ASTN1: variants seen among roughly 807,000 people sequenced by gnomAD.
ASTN1 encodes the protein astrotactin 1.
In ASTN1, 41 loss-of-function variants were observed where a neutral mutation model predicts 140.7. That is an observed-to-expected ratio of 0.29 (90% CI 0.23 to 0.38). ASTN1 has a LOEUF of 0.38. Ranked by LOEUF, ASTN1 falls within the 10% of genes least tolerant of loss-of-function variation. ASTN1 has a pLI of 1.00. For missense variants in ASTN1, 1,479 were observed against 1,678.8 expected (o/e 0.88, Z 2.08); for synonymous variants, 640 against 652.2 (o/e 0.98, Z 0.29).
At chr1:176,876,103 G>A (rs1471925252) in intron 21 of ASTN1, among the ~76,000 whole-genome samples, 1 of 152,152 alleles carries the variant, frequency 6.6e-6, no homozygotes, top group African/African-American at 2.4e-5. Flanking sequence ...TGCCAGGGAT[G>A]GGAGGATTTA....
chr1:176,951,837 A>T (rs924417128), intron 11 of ASTN1, among the ~76,000 whole-genome samples: 3 of 152,254 alleles, frequency 2.0e-5, no homozygotes, highest in African/African-American at 7.2e-5. Context: ...AAATAGTATT[A>T]ATAGCTATCA....
At chr1:177,070,239 T>C (rs1384074816) in intron 1 of ASTN1, among the ~76,000 whole-genome samples, 1 of 152,146 alleles carries the variant, frequency 6.6e-6, no homozygotes, top group Non-Finnish European at 1.5e-5. Flanking sequence ...GTCAAAACAC[T>C]GGTCACAGGG....
intron 16 of ASTN1, among the ~76,000 whole-genome samples, chr1:176,901,632 G>A (rs1202331445): frequency 6.6e-6 from 1 of 152,174 alleles, no homozygotes; most frequent in Non-Finnish European, 1.5e-5. Flanking sequence ...TGAACCCAAG[G>A]ATGGTCATGT....
At chr1:176,904,489 G>A (rs530058263) in intron 16 of ASTN1, among the ~76,000 whole-genome samples, 1 of 151,556 alleles carries the variant, frequency 6.6e-6, no homozygotes, top group Non-Finnish European at 1.5e-5. Context: ...GGGAGAGGAC[G>A]ACACTGAGAG....
chr1:176,924,785 G>T (rs540729215), intron 16 of ASTN1, among the ~76,000 whole-genome samples: 1 of 152,126 alleles, frequency 6.6e-6, no homozygotes, highest in Admixed American at 6.5e-5. Context: ...TGTTACTATT[G>T]TCAGGCTCAT....
At chr1:177,003,275 T>TAAA (rs11414408) in intron 8 of ASTN1, among the ~76,000 whole-genome samples, 1 of 146,698 alleles carries the variant, frequency 6.8e-6, no homozygotes, top group Admixed American at 6.8e-5. Context: ...AACAACACAT[T>TAAA]AAAAAAAAAA....
rs1245200919 is a variant in ASTN1 at position 177,149,383 on chromosome 1, A to AAT, written c.283+15009_283+15010dup. ...AAATATATATATAGTATATATAGTAAATATATATAGTATATATATAGTAAA... is the reference window on the plus strand; with the variant it reads ...AAATATATATATAGTATATATAGTAAATATATATATAGTATATATATAGTAAA... On this transcript the variant is annotated intron_variant, in intron 1 of 22. Transcript: ENST00000361833. Among the ~76,000 whole-genome samples, 47 of 66,964 alleles carry AAT rather than the reference A, an allele frequency of 7.0e-4. 14 individuals are homozygous for AAT. The highest frequency in any genetic ancestry group is 5.0e-3 in the African/African-American group (45 of 9,088). The allele number at this position is 66,964 out of a possible 152,430, so 43.9% of individuals were successfully genotyped here. A position where few individuals can be genotyped will look rare whatever the true frequency, so the allele number is the denominator to read the frequency against.
chr1:176,860,776 T>C (rs558971368), downstream of ASTN1, among the ~76,000 whole-genome samples: 1 of 152,334 alleles, frequency 6.6e-6, no homozygotes, highest in African/African-American at 2.4e-5. Flanking sequence ...GCCTGTACCC[T>C]CTGCATCATT....
intron 8 of ASTN1, among the ~76,000 whole-genome samples, chr1:176,978,837 T>C (rs560630902): frequency 6.6e-6 from 1 of 152,270 alleles, no homozygotes; most frequent in South Asian, 2.1e-4. Flanking sequence ...CAGTGACTGA[T>C]CACTTAATAT....
At position 177,102,405 on chromosome 1, in the gene ASTN1, AT is replaced by A. The variant is rs148574456; in HGVS notation, c.284-41141del. On this transcript the variant is annotated intron_variant, in intron 1 of 22. Transcript: ENST00000361833. ...GAAAGAAGAATTCAAATTCAGGACC[AT>A]TTGACCCATCAGACTCTTTCCATTC... is the stretch of plus-strand genomic sequence containing the variant. 9.3e-3 allele frequency among the ~76,000 whole-genome samples: 1,412 copies of A among 152,268 alleles called. 20 individuals carry two copies. Among genetic ancestry groups the A allele is most frequent in the African/African-American group, 0.032 (1,338 of 41,556 alleles).
At chr1:177,060,143 C>A (rs1489416413) in intron 2 of ASTN1, among the ~76,000 whole-genome samples, 3 of 152,166 alleles carry the variant, frequency 2.0e-5, no homozygotes, top group Non-Finnish European at 2.9e-5. Flanking sequence ...AAACAAAAAC[C>A]CTGGCCTGCC....
At chr1:177,071,285 G>A (rs185916157) in intron 1 of ASTN1, among the ~76,000 whole-genome samples, 1 of 152,324 alleles carries the variant, frequency 6.6e-6, no homozygotes, top group East Asian at 1.9e-4. Flanking sequence ...CAGCCCCAGG[G>A]AGCTTGTTGT....
intron 14 of ASTN1, among the ~76,000 whole-genome samples, chr1:176,942,201 T>G (rs1671746823): frequency 6.6e-6 from 1 of 152,206 alleles, no homozygotes; most frequent in Non-Finnish European, 1.5e-5. Context: ...TTCTAAAAAC[T>G]TTACAAATAT....
chr1:176,978,979 T>C (rs1377823219), intron 8 of ASTN1, among the ~76,000 whole-genome samples: 1 of 152,188 alleles, frequency 6.6e-6, no homozygotes, highest in Non-Finnish European at 1.5e-5. Flanking sequence ...GGCCAAGCTC[T>C]GTACTCTGGG....
chr1:176,992,243 G>C (rs566842193), intron 8 of ASTN1, among the ~76,000 whole-genome samples: 1 of 152,250 alleles, frequency 6.6e-6, no homozygotes, highest in African/African-American at 2.4e-5. Flanking sequence ...ACAAATGGCA[G>C]CTATTTCTGC....
chr1:177,061,117 C>T lies in ASTN1; in HGVS notation c.432G>A (p.Ser144=), dbSNP rs778838558. The T allele has an allele frequency of 1.8e-5, 29 of 1,610,556 alleles. No individual in the cohort carries two copies. The highest frequency in any genetic ancestry group is 1.3e-4 in the South Asian group (12 of 90,342). The part of the protein sequence containing the change: ...QDPTEEPQHE[S]AEEELRILHI... Reference sequence around the variant, plus strand: ...GGAGGATCCTCAGCTCCTCTTCTGCCGACTCATGTTGGGGTTCTTCAGTGG... The same window carrying T: ...GGAGGATCCTCAGCTCCTCTTCTGCTGACTCATGTTGGGGTTCTTCAGTGG... Residue 144 remains serine (S), a synonymous_variant, in exon 2 of 23, where the codon TCG becomes TCA. Coordinates refer to ENST00000361833, the MANE Select transcript of ASTN1 (RefSeq NM_004319.3).
At chr1:177,098,136 G>A in intron 1 of ASTN1, among the ~76,000 whole-genome samples, 1 of 152,298 alleles carries the variant, frequency 6.6e-6, no homozygotes, top group Admixed American at 6.5e-5. Flanking sequence ...CAGGCATTTG[G>A]TCAGAAGTAT....
At position 176,861,464 on chromosome 1, in the gene ASTN1, C is replaced by T. The variant is rs995812978; in HGVS notation, c.*2820G>A. ...AGCTTGAAAACTCAAGGTTGAATAC[C>T]GGTCCAGTACCATCACCCTTTCTAG... On this transcript the variant is annotated 3_prime_UTR_variant, in exon 23 of 23. Coordinates refer to ENST00000361833, the MANE Select transcript of ASTN1 (RefSeq NM_004319.3). 64 of 985,766 alleles carry T rather than the reference C, an allele frequency of 6.5e-5. No individual in the cohort carries two copies. Among genetic ancestry groups the T allele is most frequent in the Admixed American group, 1.8e-4 (3 of 16,278 alleles). 61.1% of individuals were successfully genotyped at this position (985,766 alleles called of 1,614,324 possible). A position where few individuals can be genotyped will look rare whatever the true frequency, so the allele number is the denominator to read the frequency against.
chr1:176,936,018 G>T, intron 15 of ASTN1: 2 of 546,766 alleles, frequency 3.7e-6, no homozygotes, highest in South Asian at 3.9e-5. Flanking sequence ...ACCTTCAATG[G>T]CTCCAGTCTT....
Sources: allele counts gnomAD v4.1 joint callset (sites outside exome capture counted in the v4.1 genomes callset), GRCh38; gene constraint gnomAD v4.1.1; transcripts MANE v1.5; gene names NCBI Gene and HGNC (gene_info 2026-07-23, HGNC 2026-07-21).